NBAS: variants seen among roughly 807,000 people sequenced by gnomAD.
The protein encoded by NBAS is NAG/BC035112 fusion.
In NBAS, 219 loss-of-function variants were observed where a neutral mutation model predicts 302.5. That is an observed-to-expected ratio of 0.72 (90% CI 0.65 to 0.81). NBAS has a LOEUF of 0.81. Among genes scored for constraint, NBAS ranks in the 30% least tolerant of loss-of-function variants. NBAS has a pLI of 0.00. For synonymous variants in NBAS, 1,118 were observed against 1,021.6 expected (o/e 1.09, Z -1.80); for missense variants, 2,932 against 2,841.6 (o/e 1.03, Z -0.72).
chr2:15,455,279 T>G (rs1169048250), intron 21 of NBAS, among the ~76,000 whole-genome samples: 1 of 152,164 alleles, frequency 6.6e-6, no homozygotes, highest in African/African-American at 2.4e-5. Flanking sequence ...TTAATCCCCT[T>G]TTTCTCATAT....
intron 29 of NBAS, among the ~76,000 whole-genome samples, chr2:15,382,732 C>G (rs963628487): frequency 9.9e-5 from 15 of 152,206 alleles, no homozygotes; most frequent in East Asian, 7.7e-4. Flanking sequence ...AGGAGTAGAG[C>G]TACTTTTTGA....
At chr2:15,067,822 A>G in the NBAS span, among the ~76,000 whole-genome samples, 1 of 152,154 alleles carries the variant, frequency 6.6e-6, no homozygotes, top group African/African-American at 2.4e-5. Flanking sequence ...ACCTCATGTC[A>G]AGTGTTCTTA....
intron 39 of NBAS, 75 bp from the exon 40 acceptor site, chr2:15,308,428 G>A: frequency 1.3e-6 from 2 of 1,546,078 alleles, no homozygotes; most frequent in Non-Finnish European, 1.8e-6. Context: ...TATATTTCTA[G>A]TCATTCCTGC....
chr2:15,083,162 C>T, the NBAS span, among the ~76,000 whole-genome samples: 1 of 152,206 alleles, frequency 6.6e-6, no homozygotes, highest in African/African-American at 2.4e-5. Context: ...TTGCCCAGTA[C>T]CCCTCTCCCA....
chr2:15,528,730 G>C (rs1663057667), intron 9 of NBAS, among the ~76,000 whole-genome samples: 1 of 149,894 alleles, frequency 6.7e-6, no homozygotes, highest in African/African-American at 2.4e-5. Context: ...AGCCGGACCT[G>C]ATGGCAAGAG....
intron 19 of NBAS, among the ~76,000 whole-genome samples, chr2:15,466,801 G>C (rs1204431763): frequency 6.6e-6 from 1 of 152,026 alleles, no homozygotes; most frequent in Non-Finnish European, 1.5e-5. Context: ...GCCATGTGTG[G>C]TGGCATGTGC....
chr2:15,091,573 C>T, the NBAS span, among the ~76,000 whole-genome samples: 1 of 149,308 alleles, frequency 6.7e-6, no homozygotes, highest in Non-Finnish European at 1.5e-5. Flanking sequence ...TGCTCTGTTG[C>T]CCAGGCTGGA....
At chr2:15,038,510 G>A in the NBAS span, among the ~76,000 whole-genome samples, 6 of 152,130 alleles carry the variant, frequency 3.9e-5, no homozygotes, top group Non-Finnish European at 8.8e-5. Flanking sequence ...AGAAGCTCCC[G>A]CGACTAGCTC....
chr2:15,134,009 C>G, the NBAS span, among the ~76,000 whole-genome samples: 1 of 151,956 alleles, frequency 6.6e-6, no homozygotes, highest in Non-Finnish European at 1.5e-5. Context: ...GCCTGCAACT[C>G]TCTCCCTGCT....
intron 6 of NBAS, among the ~76,000 whole-genome samples, chr2:15,545,915 CTGA>C: frequency 6.6e-6 from 1 of 152,262 alleles, no homozygotes; most frequent in East Asian, 1.9e-4. Flanking sequence ...GCATAAATGC[CTGA>C]TGATGATTTT....
chr2:15,343,517 T>C (rs1024074608), intron 35 of NBAS, among the ~76,000 whole-genome samples: 8 of 152,268 alleles, frequency 5.3e-5, no homozygotes, highest in Non-Finnish European at 1.0e-4. Flanking sequence ...TCATTTGCCA[T>C]CTTTGTGTGT....
At chr2:15,437,206 G>A (rs1307996442) in intron 21 of NBAS, among the ~76,000 whole-genome samples, 1 of 152,110 alleles carries the variant, frequency 6.6e-6, no homozygotes, top group Non-Finnish European at 1.5e-5. Flanking sequence ...GAATTTAGCT[G>A]GGCATGATGG....
intron 9 of NBAS, among the ~76,000 whole-genome samples, chr2:15,521,458 T>C (rs1179311071): frequency 1.3e-5 from 2 of 152,254 alleles, no homozygotes; most frequent in African/African-American, 4.8e-5. Flanking sequence ...GAAATATTTA[T>C]TGAGCACCAA....
intron 40 of NBAS, among the ~76,000 whole-genome samples, chr2:15,306,115 A>C (rs1671025157): frequency 6.6e-6 from 1 of 152,252 alleles, no homozygotes; most frequent in African/African-American, 2.4e-5. Context: ...GTAAGAGTAA[A>C]ATACATTTGC....
the NBAS span, among the ~76,000 whole-genome samples, chr2:14,862,838 C>G: frequency 6.6e-6 from 1 of 152,122 alleles, no homozygotes; most frequent in Admixed American, 6.5e-5. Flanking sequence ...CCTTGGTGGT[C>G]GGGCAGCCTC....
chr2:14,885,533 C>T, the NBAS span, among the ~76,000 whole-genome samples: 20 of 152,128 alleles, frequency 1.3e-4, no homozygotes, highest in African/African-American at 4.6e-4. Context: ...TTTACGAGTC[C>T]GGAGTTGAGT....
the NBAS span, among the ~76,000 whole-genome samples, chr2:15,008,231 T>C: frequency 6.6e-6 from 1 of 152,210 alleles, no homozygotes; most frequent in Non-Finnish European, 1.5e-5. Flanking sequence ...GGCCTCATCA[T>C]CTACTCCCTG....
At chr2:15,389,001 T>TAC (rs1169357860) in intron 28 of NBAS, among the ~76,000 whole-genome samples, 2 of 152,170 alleles carry the variant, frequency 1.3e-5, no homozygotes, top group Admixed American at 6.6e-5. Context: ...CATATATATA[T>TAC]ACACTCAGTT....
chr2:15,210,222 T>C (rs12477798), intron 48 of NBAS, among the ~76,000 whole-genome samples: 29,045 of 151,910 alleles, frequency 0.19, 3,499 homozygotes, highest in East Asian at 0.46. Context: ...TGCAAACTAC[T>C]CATCTGACAA....
Sources: gnomAD v4.1 joint callset for allele counts (sites outside exome capture counted in the v4.1 genomes callset) on GRCh38, gnomAD v4.1.1 for gene constraint, MANE v1.5 for transcripts, NCBI Gene and HGNC (gene_info 2026-07-23, HGNC 2026-07-21) for gene names.